Variants in CSMD1 observed in about 807,000 individuals in gnomAD.
CSMD1 encodes CUB and Sushi multiple domains 1, also known as CUB and sushi domain-containing protein 1.
Under a neutral mutation model 417.5 loss-of-function variants are expected in CSMD1, and 213 were observed. That is an observed-to-expected ratio of 0.51 (90% confidence interval 0.46 to 0.57). CSMD1 has a LOEUF of 0.57. Ranked by LOEUF, CSMD1 falls within the 20% of genes least tolerant of loss-of-function variation. CSMD1 has a pLI of 0.00. For synonymous variants in CSMD1, 2,862 were observed against 1,736.8 expected, an observed-to-expected ratio of 1.65 and a Z score of -16.11; for missense variants, 6,923 against 4,529.7, an observed-to-expected ratio of 1.53 and a Z score of -15.17.
At chr8:4,826,881 G>A (rs1799863338) in intron 1 of CSMD1, among the ~76,000 whole-genome samples, 1 of 152,114 alleles carries the variant, frequency 6.6e-6, no homozygotes, top group Non-Finnish European at 1.5e-5. Flanking sequence ...TAGATTTAGA[G>A]TGATTATTTA....
At chr8:4,163,719 A>G (rs1797295020) in intron 3 of CSMD1, among the ~76,000 whole-genome samples, 1 of 152,184 alleles carries the variant, frequency 6.6e-6, no homozygotes, top group Admixed American at 6.5e-5. Flanking sequence ...GGTGGATGTG[A>G]TGATCTTGAT....
intron 12 of CSMD1, among the ~76,000 whole-genome samples, chr8:3,417,786 C>A (rs1353763728): frequency 6.6e-6 from 1 of 152,142 alleles, no homozygotes; most frequent in Non-Finnish European, 1.5e-5. Context: ...TCATCACCTT[C>A]GGAAAACAAG....
chr8:3,511,086 T>C (rs1797046342), intron 10 of CSMD1, among the ~76,000 whole-genome samples: 1 of 151,796 alleles, frequency 6.6e-6, no homozygotes, highest in South Asian at 2.1e-4. Context: ...TGCAGGGACA[T>C]GGATGAAGCT....
chr8:3,501,481 C>T lies in CSMD1; in HGVS notation c.1345-7755G>A, dbSNP rs1347960415. On this transcript the variant is annotated intron_variant, in intron 10 of 69. Coordinates refer to ENST00000635120, the MANE Select transcript of CSMD1 (RefSeq NM_033225.6). ...TTTCCAAGATTTAGAACTGACAGCA[C>T]AATATAAATCAGTACCAAGACCCTA... Among the ~76,000 whole-genome samples, 3 of 152,000 alleles carry T rather than the reference C, an allele frequency of 2.0e-5. No individual in the cohort carries two copies. The East Asian group carries it at 5.8e-4, about 29-fold the overall frequency.
At chr8:4,051,050 C>A (rs1259082739) in intron 3 of CSMD1, among the ~76,000 whole-genome samples, 1 of 152,044 alleles carries the variant, frequency 6.6e-6, no homozygotes, top group African/African-American at 2.4e-5. Context: ...GCCTGAAATC[C>A]TCTCTGGCTT....
At chr8:4,602,320 G>A (rs968526924) in intron 2 of CSMD1, among the ~76,000 whole-genome samples, 2 of 152,122 alleles carry the variant, frequency 1.3e-5, no homozygotes, top group African/African-American at 4.8e-5. Context: ...TCAGAGGTCC[G>A]AAGCCAAACC....
intron 2 of CSMD1, among the ~76,000 whole-genome samples, chr8:4,583,837 C>A (rs1470864013): frequency 1.3e-5 from 2 of 152,096 alleles, no homozygotes; most frequent in African/African-American, 2.4e-5. Flanking sequence ...CCACTCGTGT[C>A]CCCTTCCACA....
intron 18 of CSMD1, among the ~76,000 whole-genome samples, chr8:3,375,930 C>T (rs117292817): frequency 0.012 from 1,809 of 152,292 alleles, 43 homozygotes; most frequent in East Asian, 0.082. Context: ...TCCCTCTCAA[C>T]CTCCATCTTA....
intron 1 of CSMD1, among the ~76,000 whole-genome samples, chr8:4,900,794 CT>C: frequency 6.6e-6 from 1 of 152,322 alleles, no homozygotes; most frequent in African/African-American, 2.4e-5. Context: ...ACTGACTTTT[CT>C]ATCTAGGCCA....
chr8:3,417,148 G>T lies in CSMD1; in HGVS notation c.1562-7543C>A, dbSNP rs144280673. Among the ~76,000 whole-genome samples, 13 of 152,292 alleles carry T rather than the reference G, an allele frequency of 8.5e-5. No homozygotes were observed. The East Asian group carries it at 2.5e-3, about 29-fold the overall frequency. ...TTTGACATATGAAATATAGCAGGTT[G>T]CTGCAGTCTTTGTTACCATGAAGAG... On this transcript the variant is annotated intron_variant, in intron 12 of 69. Coordinates refer to ENST00000635120, the MANE Select transcript of CSMD1 (RefSeq NM_033225.6).
At chr8:3,190,506 G>A (rs747819376) in intron 33 of CSMD1, among the ~76,000 whole-genome samples, 3 of 152,114 alleles carry the variant, frequency 2.0e-5, no homozygotes, top group African/African-American at 4.8e-5. Context: ...GACTAACCAT[G>A]CGTACTTGTC....
chr8:3,968,696 T>A (rs2407197), intron 5 of CSMD1, among the ~76,000 whole-genome samples: 36,470 of 152,052 alleles, frequency 0.24, 4,525 homozygotes, highest in East Asian at 0.35. Flanking sequence ...AGCTTGCTCT[T>A]ACTACAGGGT....
intron 1 of CSMD1, among the ~76,000 whole-genome samples, chr8:4,793,656 T>A (rs569980029): frequency 1.9e-4 from 29 of 152,198 alleles, no homozygotes; most frequent in African/African-American, 7.0e-4. Context: ...TCAATAGCAA[T>A]GTTGACGCCT....
At chr8:4,256,752 G>A (rs12675002) in intron 3 of CSMD1, among the ~76,000 whole-genome samples, 13,407 of 152,170 alleles carry the variant, frequency 0.088, 749 homozygotes, top group East Asian at 0.17. Flanking sequence ...GTGAGGTACA[G>A]GGCAGTGCCC....
chr8:3,178,846 A>G (rs1453743276), intron 37 of CSMD1, among the ~76,000 whole-genome samples: 1 of 152,180 alleles, frequency 6.6e-6, no homozygotes, highest in East Asian at 1.9e-4. Flanking sequence ...CAAATTTAAG[A>G]TATCAGAAAA....
At chr8:3,731,967 T>G (rs959285375) in intron 6 of CSMD1, among the ~76,000 whole-genome samples, 1 of 152,156 alleles carries the variant, frequency 6.6e-6, no homozygotes, top group Non-Finnish European at 1.5e-5. Flanking sequence ...GGGCTCTCAC[T>G]GAACTCAGCA....
At chr8:4,833,466 G>C (rs962750631) in intron 1 of CSMD1, among the ~76,000 whole-genome samples, 1 of 152,154 alleles carries the variant, frequency 6.6e-6, no homozygotes, top group Non-Finnish European at 1.5e-5. Context: ...CCCTACCTCA[G>C]CATTGGGGAT....
At chr8:3,874,910 A>G (rs1052491391) in intron 5 of CSMD1, among the ~76,000 whole-genome samples, 2 of 152,154 alleles carry the variant, frequency 1.3e-5, no homozygotes, top group African/African-American at 4.8e-5. Context: ...AGTGATTTGA[A>G]TAAGACTTGG....
chr8:3,497,800 C>T (rs1796429239), intron 10 of CSMD1, among the ~76,000 whole-genome samples: 1 of 152,182 alleles, frequency 6.6e-6, no homozygotes, highest in Admixed American at 6.5e-5. Flanking sequence ...ATTCCATTCT[C>T]ATTCTCTTCT....
Sources: allele counts gnomAD v4.1 joint callset (sites outside exome capture counted in the v4.1 genomes callset), GRCh38; gene constraint gnomAD v4.1.1; transcripts MANE v1.5; gene names NCBI Gene and HGNC (gene_info 2026-07-23, HGNC 2026-07-21).